The following IGFN1 variants were observed in gnomAD, a reference collection of about 807,000 sequenced individuals.
IGFN1 encodes the protein immunoglobulin like and fibronectin type III domain containing 1.
In IGFN1, 253 loss-of-function variants were observed where a neutral mutation model predicts 289.5. The ratio of observed to expected loss-of-function variants is 0.87; its 90% CI spans 0.79 to 0.97. The LOEUF (loss-of-function observed/expected upper bound fraction) is 0.97, where lower values mean the gene tolerates loss of function less well. Among genes scored for constraint, IGFN1 ranks in the 50% least tolerant of loss-of-function variants. IGFN1 has a pLI of 0.00. For synonymous variants in IGFN1, 1,706 were observed against 1,788.5 expected (o/e 0.95, Z 1.16); for missense variants, 4,470 against 4,686.1 (o/e 0.95, Z 1.35).
At chr1:201,224,905 G>A (rs752778617) in intron 21 of IGFN1, 31 bp downstream of exon 21, 20 of 1,551,486 alleles carry the variant, frequency 1.3e-5, no homozygotes, top group Non-Finnish European at 1.6e-5. Context: ...GGCTCTGGAC[G>A]CTGGCTCGGC....
chr1:201,203,542 C>G (rs1667252138), intron 9 of IGFN1, among the ~76,000 whole-genome samples, 196 bp from the exon 10 acceptor site: 1 of 152,206 alleles, frequency 6.6e-6, no homozygotes, highest in Admixed American at 6.5e-5. Context: ...GGATTCCCAT[C>G]CAGCTCACAA....
At chr1:201,199,743 C>A in intron 7 of IGFN1, 89 bp downstream of exon 7, 1 of 1,129,788 alleles carries the variant, frequency 8.9e-7, no homozygotes, top group Non-Finnish European at 1.3e-6. Flanking sequence ...GCTTGAGCCC[C>A]ACCTCTACCC....
At chr1:201,195,698 G>A (rs1666887782) in intron 3 of IGFN1, 141 bp from the exon 4 acceptor site, 1 of 877,696 alleles carries the variant, frequency 1.1e-6, no homozygotes, top group Non-Finnish European at 1.7e-6. Flanking sequence ...TGAGTCAAGG[G>A]GACCAAGGCC....
In IGFN1 at chr1:201,207,728, G is replaced by A. The variant is rs1667494079; in HGVS notation, c.2835G>A (p.Leu945=). 1 of 1,536,972 alleles carries A rather than the reference G, an allele frequency of 6.5e-7. No individual in the cohort carries two copies. Among genetic ancestry groups the A allele is most frequent in the African/African-American group, 1.4e-5 (1 of 73,036 alleles). Residue 945 remains leucine (L), a synonymous_variant, in exon 12 of 24, where the codon TTG becomes TTA. Coordinates refer to ENST00000335211, the MANE Select transcript of IGFN1 (RefSeq NM_001164586.2). The stretch of plus-strand genomic sequence containing the variant: ...GTGAGACAGGCTATAAGGATGGCTT[G>A]GAAGGTCCCGGGAGAATGGAATCTA... ...PRGETGYKDG[L]EGPGRMESRY...
In IGFN1 at chr1:201,222,707, A is replaced by C. The variant is rs753380154; in HGVS notation, c.10202-32A>C. The stretch of plus-strand genomic sequence containing the variant: ...GGCTGGGGTCCAACTGTGAGGGAGG[A>C]GGGAGGTAACCAGTCCTCTTGTGCG... On this transcript the variant is annotated intron_variant, in intron 19 of 23. Transcript: ENST00000335211. 5.9e-6 allele frequency: 9 copies of C among 1,536,690 alleles called. No individual in the cohort carries two copies. The East Asian group carries it at 2.0e-4, about 35-fold the overall frequency.
Position 201,200,248 on chromosome 1 carries a change from C to T in IGFN1, c.470C>T (p.Ala157Val), listed in dbSNP as rs1667089890. The T allele has an allele frequency of 6.4e-7, 1 of 1,551,526 alleles. No individual in the cohort carries two copies. Among genetic ancestry groups the T allele is most frequent in the Non-Finnish European group, 8.7e-7 (1 of 1,146,860 alleles). Residue 157 changes from alanine to valine, a missense_variant, in exon 8 of 24, where the codon GCC becomes GTC. This residue lies in a region of IGFN1 where 2,011 missense variants were observed against 1,953.4 expected (regional missense o/e 1.03). Transcript: ENST00000335211. The stretch of plus-strand genomic sequence containing the variant: ...GCCTTGCTCCCCAGGGCCCCACCAG[C>T]CCCCAAGAAAAAGATGGACCTTGAG... ...RKLLKKRAPP[A>V]PKKKMDLEQI...
chr1:201,214,995 C>T lies in IGFN1; in HGVS notation c.8854-18C>T, dbSNP rs1318807896. The stretch of plus-strand genomic sequence containing the variant: ...ATGGGAGTGGGGTGACCTTCTCCTG[C>T]TGTGGCCCTGTCTCCAGCTCACCAC... On this transcript the variant is annotated intron_variant, in intron 13 of 23. Transcript: ENST00000335211. The T allele has an allele frequency of 1.2e-6, 2 of 1,611,292 alleles. No homozygotes were observed. The highest frequency in any genetic ancestry group is 2.2e-5 in the East Asian group (1 of 44,842).
chr1:201,205,831 T>C (rs1314561852), intron 11 of IGFN1, among the ~76,000 whole-genome samples: 1 of 152,186 alleles, frequency 6.6e-6, no homozygotes, highest in African/African-American at 2.4e-5. Context: ...TCCAAAACCC[T>C]CATGAAGCCT....
Position 201,209,408 on chromosome 1 carries a change from G to A in IGFN1, c.4515G>A (p.Gly1505=). 1 of 1,525,862 alleles carries A rather than the reference G, an allele frequency of 6.6e-7. No homozygotes were observed. Among genetic ancestry groups the A allele is most frequent in the Non-Finnish European group, 8.8e-7 (1 of 1,141,614 alleles). The allele number at this position is 1,525,862 out of a possible 1,614,324, so 94.5% of individuals were successfully genotyped here. Residue 1505 remains glycine, a synonymous_variant, in exon 12 of 24, where the codon GGG becomes GGA. Coordinates refer to ENST00000335211, the MANE Select transcript of IGFN1 (RefSeq NM_001164586.2). ...YRKDLGVSEG[G]GSGSKAGYRG... is the part of the protein sequence containing the mutation. ...AAGATTTGGGGGTTTCTGAGGGAGG[G>A]GGTTCAGGGAGCAAAGCAGGTTATA...
chr1:201,225,428 C>T (rs1815137), intron 21 of IGFN1, among the ~76,000 whole-genome samples: 93,361 of 151,832 alleles, frequency 0.61, 31,765 homozygotes, highest in East Asian at 0.83. Context: ...CCCATCTCTG[C>T]GAAAAATACA....
Position 201,215,111 on chromosome 1 carries a change from TG to T in IGFN1, c.8953del (p.Val2985Ter). 1.2e-6 allele frequency: 2 copies of T among 1,613,996 alleles called. No individual in the cohort carries two copies. The highest frequency in any genetic ancestry group is 1.3e-5 in the African/African-American group (1 of 75,022). On this transcript the variant is annotated frameshift_variant, in exon 14 of 24. Coordinates refer to ENST00000335211, the MANE Select transcript of IGFN1 (RefSeq NM_001164586.2). LOFTEE classifies it high-confidence loss of function. The stretch of plus-strand genomic sequence containing the variant: ...GGACCCAAGCTGGGAGGTACACCTT[TG>T]TAGCTGGTGACCAGCAGAGCGAGGC... ...QGTQAGRYTF[V>X]AGDQQSEATL...
chr1:201,228,452 C>T lies in IGFN1; in HGVS notation c.*53C>T. On this transcript the variant is annotated 3_prime_UTR_variant, in exon 24 of 24. Transcript: ENST00000335211. ...ACCCTTGAAGCTTCACTTCCGACAC[C>T]TGCACTGGCCCGGGAAGCCAATCCC... 6.3e-7 allele frequency: 1 copy of T among 1,589,512 alleles called. No homozygotes were observed. Among genetic ancestry groups the T allele is most frequent in the Non-Finnish European group, 8.6e-7 (1 of 1,157,496 alleles).
At chr1:201,225,586 C>T (rs1654024948) in intron 21 of IGFN1, among the ~76,000 whole-genome samples, 2 of 152,192 alleles carry the variant, frequency 1.3e-5, no homozygotes, top group South Asian at 4.1e-4. Context: ...GAGCCAGACT[C>T]CGTCTCAAAA....
chr1:201,209,077 G>A lies in IGFN1; in HGVS notation c.4184G>A (p.Gly1395Asp), dbSNP rs376976786. The A allele has an allele frequency of 6.5e-7, 1 of 1,536,598 alleles. No homozygotes were observed. Among genetic ancestry groups the A allele is most frequent in the Non-Finnish European group, 8.7e-7 (1 of 1,146,792 alleles). Residue 1395 changes from glycine (G) to aspartate (D), a missense_variant, in exon 12 of 24, where the codon GGT becomes GAT. By Grantham distance (94) the Gly-to-Asp change is moderately conservative. Transcript: ENST00000335211. ...GGAATGGGTGCAGGTTACAGGGCTGGTTTAAGGGGTCCTGGGGAGATGGGG... is the reference window on the plus strand; with the variant it reads ...GGAATGGGTGCAGGTTACAGGGCTGATTTAAGGGGTCCTGGGGAGATGGGG... Reference protein sequence around the residue: ...PEGMGAGYRAGLRGPGEMGSL... With the variant: ...PEGMGAGYRADLRGPGEMGSL...
chr1:201,200,346 G>A lies in IGFN1; in HGVS notation c.568G>A (p.Asp190Asn), dbSNP rs1667097728. 2.6e-6 allele frequency: 4 copies of A among 1,551,756 alleles called. No homozygotes were observed. The highest frequency in any genetic ancestry group is 3.5e-6 in the Non-Finnish European group (4 of 1,146,996). The change falls in exon 8 of 24, where the codon GAC becomes AAC. Residue 190 changes from aspartate (D) to asparagine (N), a missense_variant. Around this residue, in one of 8 missense-constraint regions of IGFN1, gnomAD observed 2,011 missense variants for 1,953.4 expected, o/e 1.03. Coordinates refer to ENST00000335211, the MANE Select transcript of IGFN1 (RefSeq NM_001164586.2). ...GATCTGCTTGAAGTATGGCATCGTCGACTACCGTGGCATGTTGCGCAGGCT... is the reference window on the plus strand; with the variant it reads ...GATCTGCTTGAAGTATGGCATCGTCAACTACCGTGGCATGTTGCGCAGGCT... ...EKICLKYGIVDYRGMLRRLQE... is the reference protein window; with the variant it reads ...EKICLKYGIVNYRGMLRRLQE...
rs1449989733 is a variant in IGFN1 at position 201,205,162 on chromosome 1, TC to T, written c.999del (p.Ser334AlafsTer30). On this transcript the variant is annotated frameshift_variant, in exon 11 of 24. Transcript: ENST00000335211. LOFTEE classifies it high-confidence loss of function. ...TGACGCAGTCTTTGAATGTACCCTC[TC>T]CAGCCCCTGCCCTAGTGCAGCCTGG... is the stretch of plus-strand genomic sequence containing the variant. ...QGDAVFECTL[S>X]SPCPSAAWHF... The T allele has an allele frequency of 3.9e-6, 6 of 1,551,022 alleles. No individual in the cohort carries two copies. In the Admixed American group the frequency reaches 5.9e-5, roughly 15 times the overall value.
In IGFN1 at chr1:201,215,703, G is replaced by A; in HGVS notation, c.9160G>A (p.Ala3054Thr). ...AEVVGSSDRE[A>T]QVDLGDGYTR... ...GGTGGTGGGCAGCAGTGACAGGGAG[G>A]CCCAGGTGGACCTGGGGGATGGCTA... The change falls in exon 15 of 24, where the codon GCC becomes ACC. Residue 3054 changes from alanine to threonine, a missense_variant. By Grantham distance (58) the Ala-to-Thr change is moderately conservative. This residue lies in a region of IGFN1 where 2,218 missense variants were observed against 2,114.1 expected (regional missense o/e 1.05). Transcript: ENST00000335211. 6.2e-7 allele frequency: 1 copy of A among 1,613,568 alleles called. No individual in the cohort carries two copies. Among genetic ancestry groups the A allele is most frequent in the Non-Finnish European group, 8.5e-7 (1 of 1,179,806 alleles).
At chr1:201,202,817 G>A (rs969096594) in intron 9 of IGFN1, among the ~76,000 whole-genome samples, 16 of 135,352 alleles carry the variant, frequency 1.2e-4, no homozygotes, top group African/African-American at 3.9e-4. Flanking sequence ...GTGCAGTGGT[G>A]CAATCTCGGC....
At position 201,215,851 on chromosome 1, in the gene IGFN1, T is replaced by A. The variant is rs201006536; in HGVS notation, c.9295+13T>A. 225 of 1,605,586 alleles carry A rather than the reference T, an allele frequency of 1.4e-4. No homozygotes were observed. The highest frequency in any genetic ancestry group is 5.4e-4 in the Admixed American group (32 of 59,082). On this transcript the variant is annotated intron_variant, in intron 15 of 23. Coordinates refer to ENST00000335211, the MANE Select transcript of IGFN1 (RefSeq NM_001164586.2). ...CTGCAAGTCATAGGTACCAGCCCTG[T>A]CTTCCCCCAACTAAGGCCTGAGAGT...
Sources: allele counts gnomAD v4.1 joint callset (sites outside exome capture counted in the v4.1 genomes callset), GRCh38; gene constraint gnomAD v4.1.1; regional missense constraint gnomAD v4.1.1; transcripts MANE v1.5; gene names NCBI Gene and HGNC (gene_info 2026-07-23, HGNC 2026-07-21).